Variants in PDE1C observed in about 807,000 individuals in gnomAD.
PDE1C encodes phosphodiesterase 1C.
A neutral mutation model predicts 93.1 loss-of-function variants in PDE1C; 62 were observed. The ratio of observed to expected loss-of-function variants is 0.67; its 90% CI spans 0.54 to 0.82. PDE1C has a LOEUF of 0.82. Ranked by LOEUF, PDE1C falls within the 40% of genes least tolerant of loss-of-function variation. PDE1C has a pLI of 0.00. For missense variants in PDE1C, 742 were observed against 884.6 expected, an observed-to-expected ratio of 0.84 and a Z score of 2.04; for synonymous variants, 325 against 310.1, an observed-to-expected ratio of 1.05 and a Z score of -0.50.
intron 6 of PDE1C, among the ~76,000 whole-genome samples, chr7:31,865,989 AATTG>A (rs1795244174): frequency 1.3e-5 from 2 of 150,420 alleles, no homozygotes; most frequent in African/African-American, 5.0e-5. Context: ...CAATTAGATT[AATTG>A]TTTTGTCGTC....
At chr7:31,848,388 G>GT (rs750401551) in intron 8 of PDE1C, among the ~76,000 whole-genome samples, 19 of 152,096 alleles carry the variant, frequency 1.2e-4, no homozygotes, top group Non-Finnish European at 2.4e-4. Flanking sequence ...TTGCAAAGGT[G>GT]TTTTTTTAAA....
chr7:31,868,080 AAT>A (rs1481248994), intron 6 of PDE1C, among the ~76,000 whole-genome samples: 1 of 152,246 alleles, frequency 6.6e-6, no homozygotes, highest in African/African-American at 2.4e-5. Context: ...TAAAAATGGA[AAT>A]AAGTGACTGT....
chr7:32,085,505 A>T (rs1229044114), intron 3 of PDE1C, among the ~76,000 whole-genome samples: 1 of 149,778 alleles, frequency 6.7e-6, no homozygotes, highest in Non-Finnish European at 1.5e-5. Context: ...TCATTTTCTG[A>T]GGCCAGCATC....
chr7:31,671,001 C>T, the PDE1C span, among the ~76,000 whole-genome samples: 1 of 152,096 alleles, frequency 6.6e-6, no homozygotes, highest in Admixed American at 6.6e-5. Flanking sequence ...GAAAGATTAC[C>T]TTTCCACTCC....
At chr7:32,197,634 T>C (rs1804711576) in intron 2 of PDE1C, among the ~76,000 whole-genome samples, 2 of 152,208 alleles carry the variant, frequency 1.3e-5, no homozygotes, top group Admixed American at 1.3e-4. Context: ...ATGATTTGCT[T>C]ACACATGTTA....
Position 32,044,316 on chromosome 7 carries a change from T to C in PDE1C, c.128+7238A>G, listed in dbSNP as rs140064555. Among the ~76,000 whole-genome samples, 604 of 152,130 alleles carry C rather than the reference T, an allele frequency of 4.0e-3. 2 individuals carry two copies. Among genetic ancestry groups the C allele is most frequent in the African/African-American group, 0.014 (563 of 41,506 alleles). On this transcript the variant is annotated intron_variant, in intron 2 of 17. Transcript: ENST00000396191. ...GGATCATAAAAAAATCAGGCAAATA[T>C]GACAGTCAGTAAGGAGTTCAGCTTG...
the PDE1C span, chr7:31,707,276 C>G: frequency 6.2e-7 from 1 of 1,613,388 alleles, no homozygotes; most frequent in Admixed American, 1.7e-5. Context: ...GACAAGATAG[C>G]TATTTAAAGA....
At chr7:31,988,954 C>A (rs1783772199) in intron 2 of PDE1C, among the ~76,000 whole-genome samples, 1 of 125,614 alleles carries the variant, frequency 8.0e-6, no homozygotes, top group Non-Finnish European at 1.6e-5. Flanking sequence ...AAGATTAAAC[C>A]ATTGCACTCC....
intron 1 of PDE1C, among the ~76,000 whole-genome samples, chr7:32,240,363 A>T (rs1223564047): frequency 6.6e-6 from 1 of 152,220 alleles, no homozygotes; most frequent in Non-Finnish European, 1.5e-5. Context: ...TGTGCTAGGG[A>T]TTCAACAGTG....
At chr7:31,745,498 T>C in the PDE1C span, among the ~76,000 whole-genome samples, 1 of 152,208 alleles carries the variant, frequency 6.6e-6, no homozygotes, top group South Asian at 2.1e-4. Context: ...ATGATTTAAG[T>C]GTCTCAAATA....
chr7:31,759,948 T>A (rs1166907989), intron 17 of PDE1C, among the ~76,000 whole-genome samples: 1 of 152,094 alleles, frequency 6.6e-6, no homozygotes, highest in East Asian at 1.9e-4. Context: ...TTTTTTGTTT[T>A]GGTATGGGGA....
chr7:31,942,620 A>G (rs56844765), intron 2 of PDE1C, among the ~76,000 whole-genome samples: 10,739 of 152,220 alleles, frequency 0.071, 655 homozygotes, highest in African/African-American at 0.17. Context: ...CTAAGACAGT[A>G]ACTGCAGACC....
intron 2 of PDE1C, among the ~76,000 whole-genome samples, chr7:31,908,746 ATATATGTCCACTTGGCTAGGT>A (rs1021633908): frequency 2.0e-5 from 3 of 152,298 alleles, no homozygotes; most frequent in Non-Finnish European, 4.4e-5. Context: ...CATTGCAGTG[ATATATGTCCACTTGGCTAGGT>A]TATATGTCCA....
the PDE1C span, among the ~76,000 whole-genome samples, chr7:31,690,182 A>G: frequency 1.3e-5 from 2 of 152,238 alleles, no homozygotes; most frequent in Admixed American, 6.5e-5. Context: ...GAAAAGTTCA[A>G]TTGCTTTTTA....
At chr7:32,226,195 C>T (rs925761033) in intron 1 of PDE1C, among the ~76,000 whole-genome samples, 3 of 152,162 alleles carry the variant, frequency 2.0e-5, no homozygotes, top group Non-Finnish European at 2.9e-5. Context: ...TTTAAAGCCC[C>T]GTCTCTATCT....
At chr7:31,965,157 T>C (rs1809707450) in intron 2 of PDE1C, among the ~76,000 whole-genome samples, 1 of 151,768 alleles carries the variant, frequency 6.6e-6, no homozygotes, top group Admixed American at 6.6e-5. Context: ...ATCAAACTAC[T>C]CCGAGCTAAA....
chr7:32,113,242 T>TATATATATATATATATATATATATATAA (rs1798778044), intron 3 of PDE1C, among the ~76,000 whole-genome samples: 6 of 134,298 alleles, frequency 4.5e-5, no homozygotes, highest in African/African-American at 1.5e-4. Context: ...CTTAAATATA[T>TATATATATATATATATATATATATATAA]ATATATATAT....
chr7:31,670,099 C>A, the PDE1C span, among the ~76,000 whole-genome samples: 6 of 152,314 alleles, frequency 3.9e-5, no homozygotes, highest in East Asian at 1.2e-3. Context: ...TGATTTGACA[C>A]CTTGTCTTTC....
chr7:31,991,891 C>T (rs1324172712), intron 2 of PDE1C, among the ~76,000 whole-genome samples: 6 of 152,222 alleles, frequency 3.9e-5, no homozygotes, highest in Admixed American at 3.9e-4. Context: ...AAAATTCTGG[C>T]ACACCAATTC....
Sources: allele counts gnomAD v4.1 joint callset (sites outside exome capture counted in the v4.1 genomes callset), GRCh38; gene constraint gnomAD v4.1.1; transcripts MANE v1.5; gene names NCBI Gene and HGNC (gene_info 2026-07-23, HGNC 2026-07-21).